The following TACC1 variants were observed in gnomAD, a reference collection of about 807,000 sequenced individuals.
TACC1 encodes transforming acidic coiled-coil-containing protein 1.
Under a neutral mutation model 84.4 loss-of-function variants are expected in TACC1, and 48 were observed. That is an observed-to-expected ratio of 0.57 (90% CI 0.45 to 0.72). TACC1 has a LOEUF of 0.72. TACC1 is among the 30% of genes least tolerant of loss of function. The pLI, the probability that TACC1 is intolerant of heterozygous loss-of-function variation, is 0.00. For synonymous variants in TACC1, 372 were observed against 376.3 expected (o/e 0.99, Z 0.13); for missense variants, 920 against 973.0 (o/e 0.95, Z 0.72).
At chr8:38,739,863 C>CA (rs1428397270) in intron 1 of TACC1, among the ~76,000 whole-genome samples, 2 of 152,132 alleles carry the variant, frequency 1.3e-5, no homozygotes, top group African/African-American at 4.8e-5. Context: ...GCAGGAAAAA[C>CA]AAAGTTTCTG....
intron 3 of TACC1, among the ~76,000 whole-genome samples, chr8:38,756,981 G>A (rs965868085): frequency 6.6e-6 from 1 of 152,128 alleles, no homozygotes; most frequent in Non-Finnish European, 1.5e-5. Flanking sequence ...AGTCCCGGGG[G>A]CGCCCGCAGG....
chr8:38,737,048 A>C (rs758727660), intron 1 of TACC1, among the ~76,000 whole-genome samples: 2 of 152,200 alleles, frequency 1.3e-5, no homozygotes, highest in Non-Finnish European at 2.9e-5. Context: ...CCTAGAGGTC[A>C]AGAATTGGGA....
chr8:38,731,374 T>C (rs1324287795), intron 1 of TACC1, among the ~76,000 whole-genome samples: 2 of 152,200 alleles, frequency 1.3e-5, no homozygotes, highest in Non-Finnish European at 2.9e-5. Context: ...TTCTTCAAAA[T>C]AATATCCTCT....
intron 3 of TACC1, among the ~76,000 whole-genome samples, chr8:38,757,778 T>C (rs1810400531): frequency 6.6e-6 from 1 of 152,166 alleles, no homozygotes; most frequent in South Asian, 2.1e-4. Flanking sequence ...GGTGAAACTA[T>C]GAGAGAGGCA....
chr8:38,788,541 C>G lies in TACC1; in HGVS notation c.162-163C>G, dbSNP rs112544220. 9.8e-3 allele frequency: 5,637 copies of G among 575,374 alleles called. 166 individuals carry two copies. Among genetic ancestry groups the G allele is most frequent in the African/African-American group, 0.075 (3,975 of 53,116 alleles). The allele number at this position is 575,374 out of a possible 1,614,324, so 35.6% of individuals were successfully genotyped here. On this transcript the variant is annotated intron_variant, in intron 1 of 12. Transcript: ENST00000317827. ...TGAGAAACCCAAGGAGGGCACTGCT[C>G]AGAGACCGCAGTTGCCTCCCGCAGG...
chr8:38,738,188 G>A lies in TACC1; in HGVS notation c.-674-4163G>A, dbSNP rs766998115. Among the ~76,000 whole-genome samples the A allele has an allele frequency of 1.3e-3, 193 of 151,942 alleles. 1 individual carries two copies. Among genetic ancestry groups the A allele is most frequent in the Non-Finnish European group, 6.3e-4 (43 of 67,946 alleles). On this transcript the variant is annotated intron_variant, in intron 1 of 14. Transcript: ENST00000518415. ...GGCTGAGGCAGGAGGAGCCCTTGAC[G>A]CTAGGAGTTCAAGACCAGCCTGGGC...
intron 2 of TACC1, among the ~76,000 whole-genome samples, chr8:38,814,445 C>T (rs192900054): frequency 6.6e-6 from 1 of 152,280 alleles, no homozygotes; most frequent in East Asian, 1.9e-4. Context: ...TTTAGATACA[C>T]AAATACTTAG....
intron 1 of TACC1, among the ~76,000 whole-genome samples, chr8:38,739,325 C>T (rs1806619262): frequency 6.6e-6 from 1 of 152,250 alleles, no homozygotes; most frequent in Non-Finnish European, 1.5e-5. Context: ...AACCTGAAAC[C>T]TGGCTCCCAC....
At chr8:38,759,415 C>T (rs915081940) in intron 3 of TACC1, among the ~76,000 whole-genome samples, 2 of 152,184 alleles carry the variant, frequency 1.3e-5, no homozygotes, top group Non-Finnish European at 2.9e-5. Context: ...ATAATGGAGT[C>T]TTTCACTGAC....
Position 38,733,016 on chromosome 8 carries a change from C to T in TACC1, c.-675+4345C>T, listed in dbSNP as rs116172469. Among the ~76,000 whole-genome samples the T allele has an allele frequency of 4.0e-3, 610 of 152,232 alleles. 1 individual carries two copies. The highest frequency in any genetic ancestry group is 0.013 in the African/African-American group (555 of 41,518). On this transcript the variant is annotated intron_variant, in intron 1 of 14. Coordinates refer to the TACC1 transcript ENST00000518415. The stretch of plus-strand genomic sequence containing the variant: ...GAGCAGAGTTTGGAAGACTCGGCAC[C>T]GGACAGGAGATGCACGGCATAATTG...
At chr8:38,816,389 C>T (rs1825443658) in intron 2 of TACC1, among the ~76,000 whole-genome samples, 1 of 152,136 alleles carries the variant, frequency 6.6e-6, no homozygotes, top group South Asian at 2.1e-4. Flanking sequence ...CTCAGATTCT[C>T]CAGCACCAAC....
exon 3 of TACC1, chr8:38,745,268 C>T (rs146158845): frequency 1.1e-4 from 52 of 487,928 alleles, no homozygotes; most frequent in African/African-American, 8.7e-4. Context: ...AAACAGAGCT[C>T]GCAGTTCAGG....
chr8:38,769,954 T>C (rs1189764646), intron 3 of TACC1, among the ~76,000 whole-genome samples: 1 of 150,582 alleles, frequency 6.6e-6, no homozygotes, highest in African/African-American at 2.4e-5. Context: ...ATGGTGTGTG[T>C]GTGTGAGAGA....
At chr8:38,785,743 A>G (rs1587654945), upstream of TACC1, 2 of 984,824 alleles carry the variant, frequency 2.0e-6, no homozygotes, top group East Asian at 1.1e-4. Context: ...CTGGGTAAGC[A>G]TAAACCTAAA....
intron 9 of TACC1, among the ~76,000 whole-genome samples, chr8:38,842,008 C>T (rs1831372188): frequency 6.6e-6 from 1 of 152,126 alleles, no homozygotes; most frequent in Admixed American, 6.5e-5. Context: ...GTATGGCTCA[C>T]ATCCTCATTT....
At chr8:38,748,357 T>C (rs1305373941) in intron 3 of TACC1, among the ~76,000 whole-genome samples, 1 of 152,134 alleles carries the variant, frequency 6.6e-6, no homozygotes, top group Non-Finnish European at 1.5e-5. Flanking sequence ...GCAATTATAA[T>C]TGGAAATTTT....
intron 8 of TACC1, 95 bp downstream of exon 8, chr8:38,838,641 C>A: frequency 1.9e-6 from 2 of 1,064,674 alleles, no homozygotes; most frequent in Non-Finnish European, 2.9e-6. Context: ...TGCCACAGAA[C>A]CAAGTGTTGA....
chr8:38,771,727 C>T (rs11776967), intron 3 of TACC1, among the ~76,000 whole-genome samples: 38,561 of 152,100 alleles, frequency 0.25, 5,238 homozygotes, highest in African/African-American at 0.29. Flanking sequence ...TTCTATTTTA[C>T]TTTATTTATT....
At chr8:38,736,137 C>G (rs1225734433) in intron 1 of TACC1, among the ~76,000 whole-genome samples, 1 of 152,188 alleles carries the variant, frequency 6.6e-6, no homozygotes, top group Admixed American at 6.5e-5. Flanking sequence ...CGTGGTGACA[C>G]TGTGTGTATG....
Sources: allele counts gnomAD v4.1 joint callset (sites outside exome capture counted in the v4.1 genomes callset), GRCh38; gene constraint gnomAD v4.1.1; transcripts MANE v1.5; gene names NCBI Gene and HGNC (gene_info 2026-07-23, HGNC 2026-07-21).